KAZALD1: variants seen among roughly 807,000 people sequenced by gnomAD.
KAZALD1 encodes kazal-type serine protease inhibitor domain-containing protein 1.
KAZALD1 carries 31 observed loss-of-function variants against 27.7 expected under a neutral mutation model. That is an observed-to-expected ratio of 1.12 (90% CI 0.84 to 1.51). The LOEUF is 1.51. Ranked by LOEUF, KAZALD1 falls within the 40% of genes most tolerant of loss-of-function variation. The pLI, the probability that KAZALD1 is intolerant of heterozygous loss-of-function variation, is 0.00. For missense variants in KAZALD1, 444 were observed against 408.9 expected, an observed-to-expected ratio of 1.09 and a Z score of -0.74; for synonymous variants, 179 against 182.0, an observed-to-expected ratio of 0.98 and a Z score of 0.13.
rs1241347508 is a variant in KAZALD1, at chr10:101,066,574, C to T, written c.*1654C>T. 2 of 439,500 alleles carry T rather than the reference C, an allele frequency of 4.6e-6. No individual in the cohort carries two copies. Among genetic ancestry groups the T allele is most frequent in the Admixed American group, 2.4e-5 (1 of 41,748 alleles). 27.2% of individuals were successfully genotyped at this position (439,500 alleles called of 1,614,324 possible). On this transcript the variant is annotated 3_prime_UTR_variant, in exon 5 of 5. Transcript: ENST00000370200. ...GTAGGCGGGGGTGGGGCGTGCTGTT[C>T]GGCGCTGTGGCCAAAATCCGCCCGG... is the stretch of plus-strand genomic sequence containing the variant.
chr10:101,066,673 G>T lies in KAZALD1; in HGVS notation c.*1753G>T. On this transcript the variant is annotated 3_prime_UTR_variant, in exon 5 of 5. Coordinates refer to ENST00000370200, the MANE Select transcript of KAZALD1 (RefSeq NM_030929.5). Reference sequence around the variant, plus strand: ...CCGCCCCTAGCTTGTTCTTCGCCCAGCTGGGCTCCAAGACGCCCTCTGCGG... The same window carrying T: ...CCGCCCCTAGCTTGTTCTTCGCCCATCTGGGCTCCAAGACGCCCTCTGCGG... 1 of 362,618 alleles carries T rather than the reference G, an allele frequency of 2.8e-6. No homozygotes were observed. Among genetic ancestry groups the T allele is most frequent in the Non-Finnish European group, 5.5e-6 (1 of 180,562 alleles). The allele number at this position is 362,618 out of a possible 1,614,324, so 22.5% of individuals were successfully genotyped here. A position where few individuals can be genotyped will look rare whatever the true frequency, so the allele number is the denominator to read the frequency against.
rs1333976505 is a variant in KAZALD1, at chr10:101,063,121, C to T, written c.511+18C>T. ...CGAATCGGGTACGCATGGCCCGGGG[C>T]CCCCACCCCAGCACTTAGGTTTCCT... On this transcript the variant is annotated intron_variant, in intron 2 of 4. Transcript: ENST00000370200. 6.6e-7 allele frequency: 1 copy of T among 1,518,322 alleles called. No homozygotes were observed. Among genetic ancestry groups the T allele is most frequent in the East Asian group, 2.3e-5 (1 of 43,426 alleles). 94.1% of individuals were successfully genotyped at this position (1,518,322 alleles called of 1,614,324 possible). A position where few individuals can be genotyped will look rare whatever the true frequency, so the allele number is the denominator to read the frequency against.
In KAZALD1 at chr10:101,066,619, GGT is replaced by G. The variant is rs1403011228; in HGVS notation, c.*1703_*1704del. 9.8e-6 allele frequency: 4 copies of G among 408,944 alleles called. No individual in the cohort carries two copies. Among genetic ancestry groups the G allele is most frequent in the African/African-American group, 8.2e-5 (4 of 48,972 alleles). 25.3% of individuals were successfully genotyped at this position (408,944 alleles called of 1,614,324 possible). ...GCCCGGCGCTGAAAGAGGGGACGTG[GGT>G]GTGAGTCCCAGCATCAGCCAGGGAA... On this transcript the variant is annotated 3_prime_UTR_variant, in exon 5 of 5. Transcript: ENST00000370200.
At chr10:101,067,533 C>T (rs530476185), downstream of KAZALD1, 3 of 355,246 alleles carry the variant, frequency 8.4e-6, no homozygotes, top group East Asian at 7.5e-5. Flanking sequence ...CTGGGCGTAC[C>T]TCTCTCCTCC....
Position 101,064,289 on chromosome 10 carries a change from C to T in KAZALD1, c.540C>T (p.Asp180=). ...SGPQIVSHPY[D]TWNVTGQDVI... is the part of the protein sequence containing the mutation. ...CCCAGATCGTGTCACATCCATATGA[C>T]ACTTGGAATGTGACAGGGCAGGATG... Residue 180 remains aspartate (D), a synonymous_variant, in exon 3 of 5, where the codon GAC becomes GAT. Coordinates refer to ENST00000370200, the MANE Select transcript of KAZALD1 (RefSeq NM_030929.5). 1.2e-6 allele frequency: 2 copies of T among 1,614,164 alleles called. No individual in the cohort carries two copies. The highest frequency in any genetic ancestry group is 1.6e-4 in the Middle Eastern group (1 of 6,062).
At chr10:101,063,896 A>T (rs898214279) in intron 2 of KAZALD1, among the ~76,000 whole-genome samples, 1 of 152,188 alleles carries the variant, frequency 6.6e-6, no homozygotes, top group Non-Finnish European at 1.5e-5. Flanking sequence ...GAAGGTTTTG[A>T]TTACAGGCAC....
At position 101,064,813 on chromosome 10, in the gene KAZALD1, T is replaced by C; in HGVS notation, c.821-13T>C. 1 of 1,613,272 alleles carries C rather than the reference T, an allele frequency of 6.2e-7. No homozygotes were observed. The highest frequency in any genetic ancestry group is 8.5e-7 in the Non-Finnish European group (1 of 1,179,224). ...TCTCCTGTTCTCTCTTCTTTGCCCATGTGTGTTTGCAGACCAGCTGAACTC... is the reference window on the plus strand; with the variant it reads ...TCTCCTGTTCTCTCTTCTTTGCCCACGTGTGTTTGCAGACCAGCTGAACTC... On this transcript the variant is annotated splice_polypyrimidine_tract_variant and intron_variant, in intron 4 of 4. Coordinates refer to ENST00000370200, the MANE Select transcript of KAZALD1 (RefSeq NM_030929.5).
chr10:101,062,856 G>T lies in KAZALD1; in HGVS notation c.264G>T (p.Gln88His). 1 of 1,599,380 alleles carries T rather than the reference G, an allele frequency of 6.3e-7. No homozygotes were observed. ...CCWECANLEG[Q>H]LCDLDPSAHF... ...GGGAATGCGCCAACCTCGAGGGCCAGCTCTGCGACCTGGACCCCAGTGCTC... is the reference window on the plus strand; with the variant it reads ...GGGAATGCGCCAACCTCGAGGGCCATCTCTGCGACCTGGACCCCAGTGCTC... Residue 88 changes from glutamine (Q) to histidine (H), a missense_variant, in exon 2 of 5, where the codon CAG becomes CAT. Gln to His is a conservative substitution (Grantham distance 24, BLOSUM62 0). Coordinates refer to ENST00000370200, the MANE Select transcript of KAZALD1 (RefSeq NM_030929.5).
At chr10:101,062,494 G>T in intron 1 of KAZALD1, 48 bp from the exon 2 acceptor site, 1 of 1,496,776 alleles carries the variant, frequency 6.7e-7, no homozygotes, top group Non-Finnish European at 8.8e-7. Context: ...TGGTCTTTCG[G>T]CACAGGCCCT....
At chr10:101,062,478 T>TACAA in intron 1 of KAZALD1, 64 bp from the exon 2 acceptor site, 1 of 1,449,980 alleles carries the variant, frequency 6.9e-7, no homozygotes, top group South Asian at 1.4e-5. Context: ...CAAGAAGCAG[T>TACAA]GAGGTTGGTC....
rs770561425 is a variant in KAZALD1, at chr10:101,064,262, G to A, written c.513G>A (p.Gly171=). The A allele has an allele frequency of 1.9e-6, 3 of 1,614,002 alleles. No homozygotes were observed. Among genetic ancestry groups the A allele is most frequent in the Middle Eastern group, 1.6e-4 (1 of 6,080 alleles). ...TVAHPGPCES[G]PQIVSHPYDT... Reference sequence around the variant, plus strand: ...CAGACCTCCCGCCTTCACCCCCAGGGCCCCAGATCGTGTCACATCCATATG... The same window carrying A: ...CAGACCTCCCGCCTTCACCCCCAGGACCCCAGATCGTGTCACATCCATATG... The change falls in exon 3 of 5, where the codon GGG becomes GGA. Residue 171 remains glycine, a splice_region_variant and synonymous_variant. Transcript: ENST00000370200.
rs1371016729 is a variant in KAZALD1, at chr10:101,066,431, GT to G, written c.*1516del. 2.2e-6 allele frequency: 1 copy of G among 456,756 alleles called. No homozygotes were observed. The highest frequency in any genetic ancestry group is 4.4e-6 in the Non-Finnish European group (1 of 226,980). 28.3% of individuals were successfully genotyped at this position (456,756 alleles called of 1,614,324 possible). A position where few individuals can be genotyped will look rare whatever the true frequency, so the allele number is the denominator to read the frequency against. ...GCCCCGGGTCCTTAAGCCAGCGACA[GT>G]TTTTATTGCCGAACCCAGGCTGGAA... is the stretch of plus-strand genomic sequence containing the variant. On this transcript the variant is annotated 3_prime_UTR_variant, in exon 5 of 5. Transcript: ENST00000370200.
downstream of KAZALD1, chr10:101,067,880 C>T (rs1349662907): frequency 2.1e-6 from 1 of 470,834 alleles, no homozygotes; most frequent in Non-Finnish European, 4.4e-6. Context: ...CGAGGACACC[C>T]TCACCACGCT....
At position 101,063,074 on chromosome 10, in the gene KAZALD1, CTG is replaced by C. The variant is rs1939211514; in HGVS notation, c.485_486del (p.Val162GlyfsTer18). The C allele has an allele frequency of 1.3e-6, 2 of 1,570,996 alleles. No homozygotes were observed. The highest frequency in any genetic ancestry group is 2.7e-5 in the African/African-American group (2 of 74,106). ...CGCGCTCGGCCCGATGCCAACCTCA[CTG>C]TGGCACACCCGGGGCCCTGCGAATC... On this transcript the variant is annotated frameshift_variant, in exon 2 of 5. Coordinates refer to ENST00000370200, the MANE Select transcript of KAZALD1 (RefSeq NM_030929.5). LOFTEE classifies it high-confidence loss of function.
At position 101,062,818 on chromosome 10, in the gene KAZALD1, T is replaced by G. The variant is rs11547671; in HGVS notation, c.226T>G (p.Cys76Gly). The change falls in exon 2 of 5, where the codon TGC becomes GGC. Residue 76 changes from cysteine (C) to glycine (G), a missense_variant. Transcript: ENST00000370200. The stretch of plus-strand genomic sequence containing the variant: ...CCTGGCGGGCAGGGTGCGCGACGCG[T>G]GCGGCTGCTGCTGGGAATGCGCCAA... ...GCLAGRVRDA[C>G]GCCWECANLE... 4,734 of 1,585,578 alleles carry G rather than the reference T, an allele frequency of 3.0e-3. 97 individuals are homozygous for G. In the East Asian group the frequency reaches 0.052, roughly 18 times the overall value.
Position 101,062,816 on chromosome 10 carries a change from C to G in KAZALD1, c.224C>G (p.Ala75Gly). Residue 75 changes from alanine to glycine, a missense_variant, in exon 2 of 5, where the codon GCG becomes GGG. Physicochemically the swap from Ala to Gly is moderately conservative, Grantham distance 60. Coordinates refer to ENST00000370200, the MANE Select transcript of KAZALD1 (RefSeq NM_030929.5). Reference sequence around the variant, plus strand: ...TGCCTGGCGGGCAGGGTGCGCGACGCGTGCGGCTGCTGCTGGGAATGCGCC... The same window carrying G: ...TGCCTGGCGGGCAGGGTGCGCGACGGGTGCGGCTGCTGCTGGGAATGCGCC... ...RGCLAGRVRDACGCCWECANL... is the reference protein window; with the variant it reads ...RGCLAGRVRDGCGCCWECANL... 3 of 1,584,808 alleles carry G rather than the reference C, an allele frequency of 1.9e-6. No individual in the cohort carries two copies. The highest frequency in any genetic ancestry group is 2.6e-6 in the Non-Finnish European group (3 of 1,171,894).
rs1939325644 is a variant in KAZALD1 at position 101,066,488 on chromosome 10, C to A, written c.*1568C>A. ...CGGCCCTAGGAGCCGCGCACAACAG[C>A]GCAAGCGGGCTGGATACCGGGAGCC... On this transcript the variant is annotated 3_prime_UTR_variant, in exon 5 of 5. Transcript: ENST00000370200. The A allele has an allele frequency of 2.2e-6, 1 of 456,426 alleles. No individual in the cohort carries two copies. Among genetic ancestry groups the A allele is most frequent in the Admixed American group, 2.4e-5 (1 of 42,548 alleles). 28.3% of individuals were successfully genotyped at this position (456,426 alleles called of 1,614,324 possible). A position where few individuals can be genotyped will look rare whatever the true frequency, so the allele number is the denominator to read the frequency against.
At position 101,064,585 on chromosome 10, in the gene KAZALD1, T is replaced by C. The variant is rs1939265631; in HGVS notation, c.757T>C (p.Cys253Arg). The change falls in exon 4 of 5, where the codon TGC (cysteine) becomes CGC (arginine). Residue 253 changes from cysteine (C) to arginine (R), a missense_variant. By Grantham distance (180) the Cys-to-Arg change is radical (BLOSUM62 -3). Coordinates refer to ENST00000370200, the MANE Select transcript of KAZALD1 (RefSeq NM_030929.5). Reference sequence around the variant, plus strand: ...TCCCAGTGATGAGGGCACTTACCGCTGCCTTGGCCGCAATGCCCTGGGTCA... The same window carrying C: ...TCCCAGTGATGAGGGCACTTACCGCCGCCTTGGCCGCAATGCCCTGGGTCA... ...VRPSDEGTYR[C>R]LGRNALGQVE... 1.2e-6 allele frequency: 2 copies of C among 1,613,988 alleles called. No individual in the cohort carries two copies. The highest frequency in any genetic ancestry group is 1.7e-6 in the Non-Finnish European group (2 of 1,180,034).
chr10:101,064,563 C>G lies in KAZALD1; in HGVS notation c.735C>G (p.Pro245=), dbSNP rs765466968. 176 of 1,614,026 alleles carry G rather than the reference C, an allele frequency of 1.1e-4. 2 individuals are homozygous for G. The South Asian group carries it at 1.9e-3, about 18-fold the overall frequency. Residue 245 remains proline, a synonymous_variant, in exon 4 of 5, where the codon CCC becomes CCG. Transcript: ENST00000370200. Reference sequence around the variant, plus strand: ...GGCTGCAGATCCAGGCTGTGCGTCCCAGTGATGAGGGCACTTACCGCTGCC... The same window carrying G: ...GGCTGCAGATCCAGGCTGTGCGTCCGAGTGATGAGGGCACTTACCGCTGCC... ...TGWLQIQAVR[P]SDEGTYRCLG... is the part of the protein sequence containing the mutation.
Sources: gnomAD v4.1 joint callset for allele counts (sites outside exome capture counted in the v4.1 genomes callset) on GRCh38, gnomAD v4.1.1 for gene constraint, MANE v1.5 for transcripts, NCBI Gene and HGNC (gene_info 2026-07-23, HGNC 2026-07-21) for gene names.